The following ANAPC1 variants were observed in gnomAD, a reference collection of about 807,000 sequenced individuals.
The protein encoded by ANAPC1 is anaphase-promoting complex subunit 1.
In ANAPC1, 36 loss-of-function variants were observed where a neutral mutation model predicts 208.0. The observed-to-expected ratio is 0.17, with a 90% CI of 0.13 to 0.23. ANAPC1 has a LOEUF of 0.23. Ranked by LOEUF, ANAPC1 falls within the 10% of genes least tolerant of loss-of-function variation. The pLI, the probability that ANAPC1 is intolerant of heterozygous loss-of-function variation, is 1.00. For synonymous variants in ANAPC1, 378 were observed against 695.2 expected, an observed-to-expected ratio of 0.54 and a Z score of 7.18; for missense variants, 942 against 2,011.6, an observed-to-expected ratio of 0.47 and a Z score of 10.17.
chr2:111,881,723 T>TA lies in ANAPC1; in HGVS notation c.-24-875dup, dbSNP rs574121303. On this transcript the variant is annotated intron_variant, in intron 1 of 47. Coordinates refer to ENST00000341068, the MANE Select transcript of ANAPC1 (RefSeq NM_022662.4). ...CCTGTTTATATATACCATGTTCCTA[T>TA]AGACAGCATTTTTAATGTTAGGAGC... Among the ~76,000 whole-genome samples the TA allele has an allele frequency of 9.8e-5, 15 of 152,332 alleles. No homozygotes were observed. In the East Asian group the frequency reaches 2.7e-3, roughly 27 times the overall value.
At chr2:111,788,901 G>C (rs1445305059) in intron 38 of ANAPC1, among the ~76,000 whole-genome samples, 1 of 151,678 alleles carries the variant, frequency 6.6e-6, no homozygotes, top group African/African-American at 2.4e-5. Context: ...CACTTTGGGA[G>C]GCCGAGGCGG....
chr2:111,833,391 T>C (rs1680270640), intron 19 of ANAPC1, 80 bp from the exon 20 acceptor site: 1 of 1,405,292 alleles, frequency 7.1e-7, no homozygotes, highest in African/African-American at 1.4e-5. Context: ...ATTAGTTGAA[T>C]CTTTTAATTT....
In ANAPC1 at chr2:111,863,671, A is replaced by AGGC. The variant is rs1558733692; in HGVS notation, c.1052+3_1052+4insGCC. The AGGC allele has an allele frequency of 1.2e-5, 19 of 1,612,496 alleles. No homozygotes were observed. The South Asian group carries it at 1.9e-4, about 16-fold the overall frequency. ...TAGAAAGAAAAACCAGGAAACCCTTATACCTTAGAGCTGCCATGTTGGAAA... is the reference window on the plus strand; with the variant it reads ...TAGAAAGAAAAACCAGGAAACCCTTAGGCTACCTTAGAGCTGCCATGTTGGAAA... On this transcript the variant is annotated splice_donor_region_variant and intron_variant, in intron 9 of 47. Coordinates refer to ENST00000341068, the MANE Select transcript of ANAPC1 (RefSeq NM_022662.4).
intron 46 of ANAPC1, among the ~76,000 whole-genome samples, chr2:111,772,810 T>C (rs1336285200): frequency 6.6e-6 from 1 of 152,112 alleles, no homozygotes; most frequent in Admixed American, 6.5e-5. Context: ...ATATATTATA[T>C]TTGATGGGAC....
At position 111,843,688 on chromosome 2, in the gene ANAPC1, T is replaced by C. The variant is rs1680892561; in HGVS notation, c.1853-89A>G. 1.1e-5 allele frequency: 11 copies of C among 1,041,798 alleles called. 1 individual carries two copies. Among genetic ancestry groups the C allele is most frequent in the South Asian group, 6.8e-5 (4 of 58,656 alleles). The allele number at this position is 1,041,798 out of a possible 1,614,324, so 64.5% of individuals were successfully genotyped here. A position where few individuals can be genotyped will look rare whatever the true frequency, so the allele number is the denominator to read the frequency against. ...TCACCAAGTTTTTTAACTTCTACTA[T>C]GTAAAGGCCAATTATTATGAAAAGA... On this transcript the variant is annotated intron_variant, in intron 16 of 47. Transcript: ENST00000341068.
chr2:111,799,093 A>C (rs1678309361), intron 34 of ANAPC1, among the ~76,000 whole-genome samples: 1 of 152,172 alleles, frequency 6.6e-6, no homozygotes. Context: ...AAAAAACTCC[A>C]GCAACGCAGT....
At position 111,843,586 on chromosome 2, in the gene ANAPC1, C is replaced by G; in HGVS notation, c.1866G>C (p.Leu622Phe). The change falls in exon 17 of 48, where the codon TTG becomes TTC. Residue 622 changes from leucine (L) to phenylalanine (F), a missense_variant. By Grantham distance (22) the Leu-to-Phe change is conservative. Transcript: ENST00000341068. The part of the protein sequence containing the change: ...IATSELVQTC[L>F]QAIKFILPKE... ...TTGGCAGGATAAACTTAATTGCTTGCAAACACGTTTGTACTATTAAAAGCA... is the reference window on the plus strand; with the variant it reads ...TTGGCAGGATAAACTTAATTGCTTGGAAACACGTTTGTACTATTAAAAGCA... The G allele has an allele frequency of 6.2e-7, 1 of 1,611,404 alleles. No individual in the cohort carries two copies. The highest frequency in any genetic ancestry group is 8.5e-7 in the Non-Finnish European group (1 of 1,179,508).
At chr2:111,871,120 C>T (rs1210699751) in intron 6 of ANAPC1, among the ~76,000 whole-genome samples, 5 of 152,050 alleles carry the variant, frequency 3.3e-5, no homozygotes, top group Non-Finnish European at 2.9e-5. Context: ...TATGTGATGG[C>T]TACATACTTG....
intron 14 of ANAPC1, among the ~76,000 whole-genome samples, chr2:111,849,394 T>A (rs1301806317): frequency 1.3e-5 from 2 of 152,202 alleles, no homozygotes; most frequent in African/African-American, 4.8e-5. Context: ...CCTTTGAATG[T>A]TCTGCAAATG....
intron 6 of ANAPC1, 35 bp downstream of exon 6, chr2:111,872,595 A>G: frequency 6.6e-7 from 1 of 1,511,874 alleles, no homozygotes; most frequent in Non-Finnish European, 9.2e-7. Context: ...CACAAATCCC[A>G]AGCAGTAATA....
intron 21 of ANAPC1, among the ~76,000 whole-genome samples, chr2:111,829,464 C>T (rs1680012909): frequency 6.6e-6 from 1 of 152,040 alleles, no homozygotes; most frequent in Admixed American, 6.5e-5. Context: ...TATGGTTCTC[C>T]TGCAAGCCTG....
At chr2:111,829,182 C>T (rs1679995723) in intron 21 of ANAPC1, among the ~76,000 whole-genome samples, 1 of 152,096 alleles carries the variant, frequency 6.6e-6, no homozygotes, top group Non-Finnish European at 1.5e-5. Flanking sequence ...CCACTGCACT[C>T]CAGCCTGGGC....
intron 11 of ANAPC1, 139 bp downstream of exon 11, chr2:111,858,167 G>A (rs1333724600): frequency 1.7e-6 from 1 of 603,684 alleles, no homozygotes; most frequent in Non-Finnish European, 2.8e-6. Context: ...TAATTATACA[G>A]TAAAAACATG....
chr2:111,773,375 T>C (rs1676848302), intron 46 of ANAPC1, among the ~76,000 whole-genome samples: 1 of 152,238 alleles, frequency 6.6e-6, no homozygotes, highest in African/African-American at 2.4e-5. Context: ...GATAAAGTCA[T>C]GGCACAGAAT....
At chr2:111,841,142 C>G (rs1033992193) in intron 17 of ANAPC1, among the ~76,000 whole-genome samples, 2 of 152,050 alleles carry the variant, frequency 1.3e-5, no homozygotes, top group African/African-American at 4.8e-5. Context: ...TAGACACAAA[C>G]TCTTAAAAAC....
At chr2:111,850,956 G>A (rs1237221236) in intron 13 of ANAPC1, 46 bp from the exon 14 acceptor site, 10 of 1,575,734 alleles carry the variant, frequency 6.3e-6, no homozygotes, top group Non-Finnish European at 8.6e-6. Context: ...TGCCTTTAAT[G>A]CATCATATCC....
At chr2:111,783,115 T>C (rs1319736647) in intron 42 of ANAPC1, among the ~76,000 whole-genome samples, 9 of 152,038 alleles carry the variant, frequency 5.9e-5, no homozygotes, top group Non-Finnish European at 1.3e-4. Context: ...TACAATAATC[T>C]TAAATTTAGG....
In ANAPC1 at chr2:111,853,286, CT is replaced by C. The variant is rs917997532; in HGVS notation, c.1516-2377del. Among the ~76,000 whole-genome samples, 46 of 152,178 alleles carry C rather than the reference CT, an allele frequency of 3.0e-4. 1 individual carries two copies. The highest frequency in any genetic ancestry group is 1.4e-3 in the Admixed American group (21 of 15,278). ...ATATAGTTGGGCTGTATTTTCTAAT[CT>C]CTTCCGCTAGTCTCTGTTATTTGTG... On this transcript the variant is annotated intron_variant, in intron 13 of 47. Transcript: ENST00000341068.
At chr2:111,860,002 T>A (rs11684132) in intron 10 of ANAPC1, among the ~76,000 whole-genome samples, 88,247 of 151,844 alleles carry the variant, frequency 0.58, 26,585 homozygotes, top group South Asian at 0.69. Flanking sequence ...GTGGTTAGGT[T>A]AGAAAATACT....
Sources: allele counts gnomAD v4.1 joint callset (sites outside exome capture counted in the v4.1 genomes callset), GRCh38; gene constraint gnomAD v4.1.1; transcripts MANE v1.5; gene names NCBI Gene and HGNC (gene_info 2026-07-23, HGNC 2026-07-21).